MYOF: variants seen among roughly 807,000 people sequenced by gnomAD.
The protein encoded by MYOF is myoferlin, also known as fer-1-like 3, myoferlin.
In MYOF, 244 loss-of-function variants were observed where a neutral mutation model predicts 284.2. That is an observed-to-expected ratio of 0.86 (90% CI 0.77 to 0.95). MYOF has a LOEUF of 0.95. Among genes scored for constraint, MYOF ranks in the 40% least tolerant of loss-of-function variants. The pLI, the probability that MYOF is intolerant of heterozygous loss-of-function variation, is 0.00. For missense variants in MYOF, 2,496 were observed against 2,560.6 expected, an observed-to-expected ratio of 0.97 and a Z score of 0.54; for synonymous variants, 904 against 919.7, an observed-to-expected ratio of 0.98 and a Z score of 0.31.
At chr10:93,346,825 T>A (rs892080291) in intron 37 of MYOF, among the ~76,000 whole-genome samples, 4 of 152,162 alleles carry the variant, frequency 2.6e-5, no homozygotes, top group African/African-American at 7.2e-5. Context: ...GAACATGCCT[T>A]TCTTGGTCCC....
At chr10:93,397,805 C>T (rs1487860579) in intron 13 of MYOF, among the ~76,000 whole-genome samples, 2 of 151,964 alleles carry the variant, frequency 1.3e-5, no homozygotes, top group Non-Finnish European at 2.9e-5. Context: ...TCTTTTGACC[C>T]TGCCCGCCAG....
At chr10:93,395,210 C>T (rs187800676) in intron 16 of MYOF, among the ~76,000 whole-genome samples, 11 of 152,184 alleles carry the variant, frequency 7.2e-5, no homozygotes, top group South Asian at 6.2e-4. Flanking sequence ...TTTGGGAGGC[C>T]GAGGAGGGTG....
At chr10:93,475,634 A>G (rs77089562) in intron 1 of MYOF, among the ~76,000 whole-genome samples, 2,655 of 152,342 alleles carry the variant, frequency 0.017, 37 homozygotes, top group Middle Eastern at 0.031. Context: ...TACATGCTCA[A>G]TATTTAAAAT....
intron 26 of MYOF, among the ~76,000 whole-genome samples, chr10:93,365,027 A>C (rs1845264187): frequency 6.6e-6 from 1 of 152,046 alleles, no homozygotes; most frequent in African/African-American, 2.4e-5. Context: ...TGTCCTCACT[A>C]ACCTTCCTTC....
At chr10:93,414,151 C>T (rs1848019448) in intron 5 of MYOF, among the ~76,000 whole-genome samples, 1 of 151,996 alleles carries the variant, frequency 6.6e-6, no homozygotes, top group Non-Finnish European at 1.5e-5. Context: ...CCCGGCAATC[C>T]TGAGCATGCC....
At chr10:93,319,131 T>C (rs568334790) in intron 49 of MYOF, among the ~76,000 whole-genome samples, 1 of 152,276 alleles carries the variant, frequency 6.6e-6, no homozygotes, top group South Asian at 2.1e-4. Context: ...GCAGAGACAT[T>C]GAGGCCCAAT....
intron 1 of MYOF, among the ~76,000 whole-genome samples, chr10:93,465,745 C>T (rs1459852947): frequency 1.3e-5 from 2 of 151,988 alleles, no homozygotes; most frequent in African/African-American, 2.4e-5. Context: ...GAACTCCTGA[C>T]GTCAGGTGAT....
intron 19 of MYOF, among the ~76,000 whole-genome samples, chr10:93,386,780 T>C (rs1846387684): frequency 1.3e-5 from 2 of 152,204 alleles, no homozygotes; most frequent in Non-Finnish European, 2.9e-5. Flanking sequence ...TTAAAGGGTG[T>C]GGCTATTCTC....
intron 5 of MYOF, among the ~76,000 whole-genome samples, chr10:93,410,159 C>A (rs1051570241): frequency 6.6e-6 from 1 of 152,296 alleles, no homozygotes; most frequent in East Asian, 1.9e-4. Flanking sequence ...CTCTAGAGAT[C>A]TGCTCGTGAT....
intron 1 of MYOF, among the ~76,000 whole-genome samples, chr10:93,466,028 C>A (rs2134366114): frequency 6.6e-6 from 1 of 152,314 alleles, no homozygotes; most frequent in African/African-American, 2.4e-5. Context: ...CTGCTCCTCT[C>A]TGGCAGGCAG....
intron 22 of MYOF, 24 bp from the exon 23 acceptor site, chr10:93,374,979 AAC>A: frequency 6.3e-7 from 1 of 1,598,962 alleles, no homozygotes. Context: ...GAAAAAAAGA[AAC>A]AGAGGATTTG....
chr10:93,451,456 T>C lies in MYOF; in HGVS notation c.236+594A>G, dbSNP rs1236704483. 2.6e-5 allele frequency among the ~76,000 whole-genome samples: 4 copies of C among 152,194 alleles called. No homozygotes were observed. In the East Asian group the frequency reaches 7.7e-4, roughly 29 times the overall value. On this transcript the variant is annotated intron_variant, in intron 3 of 53. Coordinates refer to ENST00000359263, the MANE Select transcript of MYOF (RefSeq NM_013451.4). ...GAATTTATTAATACTAAGATCATTC[T>C]GTCCCACGGGAACCTGTTTGGGAAG...
intron 5 of MYOF, among the ~76,000 whole-genome samples, chr10:93,410,474 G>T (rs560766896): frequency 6.6e-6 from 1 of 152,094 alleles, no homozygotes; most frequent in East Asian, 1.9e-4. Flanking sequence ...TTATTTTCAG[G>T]CTCCCCAAAT....
Position 93,374,743 on chromosome 10 carries a change from G to A in MYOF, c.2301+20C>T. The A allele has an allele frequency of 6.2e-7, 1 of 1,607,986 alleles. No individual in the cohort carries two copies. The highest frequency in any genetic ancestry group is 2.2e-5 in the East Asian group (1 of 44,812). ...CCTTCTTCCATATCAGGTGACGTTT[G>A]TGTAGTTTAAAAGTCCTACCTCTTC... On this transcript the variant is annotated intron_variant, in intron 23 of 53. Coordinates refer to ENST00000359263, the MANE Select transcript of MYOF (RefSeq NM_013451.4).
intron 4 of MYOF, 101 bp from the exon 5 acceptor site, chr10:93,426,259 G>T: frequency 8.4e-7 from 1 of 1,188,882 alleles, no homozygotes; most frequent in Non-Finnish European, 1.2e-6. Context: ...TCTTGGAAGG[G>T]GTAAGAGAGA....
chr10:93,310,493 G>T, intron 52 of MYOF, 41 bp downstream of exon 52: 3 of 1,585,462 alleles, frequency 1.9e-6, no homozygotes, highest in Non-Finnish European at 8.7e-7. Flanking sequence ...CTCTCAGCCT[G>T]CAGGTGTTTG....
intron 3 of MYOF, among the ~76,000 whole-genome samples, chr10:93,445,150 A>G (rs576981019): frequency 6.6e-6 from 1 of 152,360 alleles, no homozygotes; most frequent in East Asian, 1.9e-4. Flanking sequence ...ATAATTGATC[A>G]TTCTACCTAC....
chr10:93,412,663 G>C (rs1847946920), intron 5 of MYOF, among the ~76,000 whole-genome samples: 1 of 152,260 alleles, frequency 6.6e-6, no homozygotes, highest in East Asian at 1.9e-4. Context: ...CAAGGAGCTT[G>C]CCTTTGCTTC....
intron 21 of MYOF, 29 bp from the exon 22 acceptor site, chr10:93,377,458 T>C (rs897696613): frequency 4.7e-6 from 7 of 1,480,914 alleles, no homozygotes; most frequent in East Asian, 4.5e-5. Context: ...GAGGAAATAA[T>C]TGATAATTGT....
Sources: allele counts gnomAD v4.1 joint callset (sites outside exome capture counted in the v4.1 genomes callset), GRCh38; gene constraint gnomAD v4.1.1; transcripts MANE v1.5; gene names NCBI Gene and HGNC (gene_info 2026-07-23, HGNC 2026-07-21).